RORA: variants seen among roughly 807,000 people sequenced by gnomAD.
The protein encoded by RORA is RAR related orphan receptor A.
A neutral mutation model predicts 69.5 loss-of-function variants in RORA; 7 were observed. The observed-to-expected ratio is 0.10, with a 90% CI of 0.06 to 0.19. The LOEUF (loss-of-function observed/expected upper bound fraction) is 0.19, where lower values mean the gene tolerates loss of function less well. Ranked by LOEUF, RORA falls within the 10% of genes least tolerant of loss-of-function variation. The pLI is 1.00. For missense variants in RORA, 457 were observed against 663.0 expected (o/e 0.69, Z 3.41); for synonymous variants, 261 against 240.8 (o/e 1.08, Z -0.78).
chr15:60,558,963 A>C (rs1466866091), intron 2 of RORA, among the ~76,000 whole-genome samples: 1 of 152,232 alleles, frequency 6.6e-6, no homozygotes, highest in African/African-American at 2.4e-5. Flanking sequence ...ATTATACACT[A>C]AAGTGTAATA....
At chr15:60,561,062 T>C (rs2067528057) in intron 2 of RORA, among the ~76,000 whole-genome samples, 1 of 138,184 alleles carries the variant, frequency 7.2e-6, no homozygotes, top group African/African-American at 3.3e-5. Flanking sequence ...TTGTGTTTTT[T>C]TTTTTTTTGT....
intron 1 of RORA, among the ~76,000 whole-genome samples, chr15:61,088,865 C>T (rs142157799): frequency 1.3e-5 from 2 of 152,202 alleles, no homozygotes; most frequent in Non-Finnish European, 2.9e-5. Context: ...CTGAAAAGCA[C>T]AGCCAAACCT....
intron 1 of RORA, among the ~76,000 whole-genome samples, chr15:60,727,838 T>C (rs906518844): frequency 6.6e-6 from 1 of 152,218 alleles, no homozygotes; most frequent in African/African-American, 2.4e-5. Context: ...AGTGAAACTC[T>C]AGGAGAGGTT....
At chr15:61,123,294 G>C (rs759979196) in intron 1 of RORA, among the ~76,000 whole-genome samples, 1 of 152,070 alleles carries the variant, frequency 6.6e-6, no homozygotes, top group South Asian at 2.1e-4. Context: ...TGAGGCGAGG[G>C]GGGAGCAGGG....
At chr15:60,837,946 G>A (rs1259152020) in intron 1 of RORA, among the ~76,000 whole-genome samples, 1 of 152,182 alleles carries the variant, frequency 6.6e-6, no homozygotes, top group Non-Finnish European at 1.5e-5. Context: ...GCCTAGCATG[G>A]GAGCTGGCAG....
chr15:61,172,609 C>G (rs1016780112), intron 1 of RORA, among the ~76,000 whole-genome samples: 2 of 152,190 alleles, frequency 1.3e-5, no homozygotes, highest in Non-Finnish European at 2.9e-5. Context: ...CTTGCCACCT[C>G]AGGAGGGACC....
chr15:60,531,614 A>G lies in RORA; in HGVS notation c.282+152T>C. 1.8e-6 allele frequency: 1 copy of G among 560,528 alleles called. No individual in the cohort carries two copies. Among genetic ancestry groups the G allele is most frequent in the Non-Finnish European group, 3.1e-6 (1 of 320,430 alleles). 34.7% of individuals were successfully genotyped at this position (560,528 alleles called of 1,614,324 possible). A position where few individuals can be genotyped will look rare whatever the true frequency, so the allele number is the denominator to read the frequency against. On this transcript the variant is annotated intron_variant, in intron 3 of 10. Transcript: ENST00000335670. This position sits in a 1 kb window ranked among gnomAD's most constrained non-coding sequence, Gnocchi z 4.8. ...AAATATATATAACTTCTTTAATTGT[A>G]ATTTAACACCAAAATATTTCTTCTA...
chr15:60,845,168 G>A (rs1408627476), intron 1 of RORA, among the ~76,000 whole-genome samples: 1 of 152,182 alleles, frequency 6.6e-6, no homozygotes, highest in East Asian at 1.9e-4. Context: ...CAACCTTGAA[G>A]TGCCTTTCCG....
At chr15:60,595,611 C>A (rs1488101247) in intron 2 of RORA, among the ~76,000 whole-genome samples, 1 of 151,074 alleles carries the variant, frequency 6.6e-6, no homozygotes, top group East Asian at 1.9e-4. Flanking sequence ...TAAATAAATG[C>A]TTATGAGTAC....
At chr15:61,108,555 C>A (rs2078973052) in intron 1 of RORA, among the ~76,000 whole-genome samples, 1 of 152,186 alleles carries the variant, frequency 6.6e-6, no homozygotes, top group Admixed American at 6.5e-5. Context: ...GTAAGAAAGA[C>A]CACATTGCCT....
chr15:60,864,963 C>T (rs753881361), intron 1 of RORA, among the ~76,000 whole-genome samples: 6 of 152,162 alleles, frequency 3.9e-5, no homozygotes, highest in Non-Finnish European at 8.8e-5. Flanking sequence ...TACCTTGCCT[C>T]TTCCTTTGGG....
At chr15:60,967,342 C>T (rs1005885220) in intron 1 of RORA, among the ~76,000 whole-genome samples, 6 of 152,138 alleles carry the variant, frequency 3.9e-5, no homozygotes, top group African/African-American at 1.4e-4. Context: ...TACCCCTACC[C>T]CCAAATATTA....
intron 2 of RORA, among the ~76,000 whole-genome samples, chr15:60,619,250 C>T (rs904895608): frequency 5.9e-5 from 9 of 152,226 alleles, no homozygotes; most frequent in African/African-American, 2.2e-4. Context: ...AAAATTGACA[C>T]ACATTCTTCA....
chr15:61,044,401 C>T (rs1439412009), intron 1 of RORA, among the ~76,000 whole-genome samples: 1 of 152,142 alleles, frequency 6.6e-6, no homozygotes, highest in Non-Finnish European at 1.5e-5. Context: ...ATTATCTGGA[C>T]CTGTGCTAAT....
At chr15:60,874,948 T>C (rs1052120300) in intron 1 of RORA, among the ~76,000 whole-genome samples, 8 of 152,306 alleles carry the variant, frequency 5.3e-5, no homozygotes, top group Admixed American at 1.3e-4. Context: ...CAGGTAAACA[T>C]TTATCAGGGC....
chr15:60,896,300 A>C (rs1891229457), intron 1 of RORA, among the ~76,000 whole-genome samples: 2 of 152,234 alleles, frequency 1.3e-5, no homozygotes, highest in Admixed American at 1.3e-4. Context: ...AACGCATCTT[A>C]GACATCGTTG....
Position 61,140,782 on chromosome 15 carries a change from G to A in RORA, c.166+88271C>T, listed in dbSNP as rs190414594. Among the ~76,000 whole-genome samples, 221 of 152,202 alleles carry A rather than the reference G, an allele frequency of 1.5e-3. 1 individual carries two copies. The highest frequency in any genetic ancestry group is 4.9e-3 in the African/African-American group (203 of 41,526). ...TAACGCTGGTACTCTGGGCAGTGGC[G>A]GGGGGTCAGGGGGAAAAGAAGAAAC... On this transcript the variant is annotated intron_variant, in intron 1 of 10. Transcript: ENST00000335670.
At chr15:60,650,209 G>GAA (rs755752094) in intron 2 of RORA, among the ~76,000 whole-genome samples, 5 of 142,516 alleles carry the variant, frequency 3.5e-5, no homozygotes, top group African/African-American at 5.1e-5. Context: ...AAGGCCTGAG[G>GAA]AAAAAAAAAA....
intron 1 of RORA, among the ~76,000 whole-genome samples, chr15:61,071,803 G>A (rs1412492567): frequency 2.0e-5 from 3 of 151,992 alleles, no homozygotes; most frequent in Non-Finnish European, 4.4e-5. Context: ...TAGATGTAAA[G>A]ACAAAGTGTT....
Sources: allele counts gnomAD v4.1 joint callset (sites outside exome capture counted in the v4.1 genomes callset), GRCh38; gene constraint gnomAD v4.1.1; non-coding constraint Gnocchi (gnomAD v3.1); transcripts MANE v1.5; gene names NCBI Gene and HGNC (gene_info 2026-07-23, HGNC 2026-07-21).